The following GNG2 variants were observed in gnomAD, a reference collection of about 807,000 sequenced individuals.
The protein encoded by GNG2 is G protein subunit gamma 2, also known as guanine nucleotide-binding protein G(I)/G(S)/G(O) subunit gamma-2.
In GNG2, 5 loss-of-function variants were observed where a neutral mutation model predicts 5.5. The observed-to-expected ratio is 0.91, with a 90% CI of 0.48 to 1.92. The LOEUF (loss-of-function observed/expected upper bound fraction) is 1.92, where lower values mean the gene tolerates loss of function less well. Among genes scored for constraint, GNG2 ranks in the 30% most tolerant of loss-of-function variants. The pLI is 0.01. For missense variants in GNG2, 55 were observed against 88.4 expected, an observed-to-expected ratio of 0.62 and a Z score of 1.52; for synonymous variants, 28 against 32.0, an observed-to-expected ratio of 0.88 and a Z score of 0.42.
chr14:51,876,605 C>G (rs540799899), intron 1 of GNG2, among the ~76,000 whole-genome samples: 3 of 151,924 alleles, frequency 2.0e-5, no homozygotes, highest in East Asian at 3.9e-4. Context: ...GTTTTTAGCC[C>G]TTGGCTTTTT....
At chr14:51,843,151 T>A (rs1881528944) in intron 2 of GNG2, among the ~76,000 whole-genome samples, 1 of 152,162 alleles carries the variant, frequency 6.6e-6, no homozygotes, top group Non-Finnish European at 1.5e-5. Context: ...TTTCCGTAAA[T>A]CATAGGAAAG....
chr14:51,956,064 C>T (rs1439645347), intron 3 of GNG2, among the ~76,000 whole-genome samples: 5 of 152,134 alleles, frequency 3.3e-5, no homozygotes, highest in African/African-American at 1.2e-4. Context: ...GTATCCCTTC[C>T]CTAAAATGCT....
intron 3 of GNG2, among the ~76,000 whole-genome samples, chr14:51,962,096 C>G (rs1332400748): frequency 6.6e-6 from 1 of 152,150 alleles, no homozygotes; most frequent in Admixed American, 6.5e-5. Context: ...ATTTGTCTGT[C>G]TGCTCAAGCC....
intron 2 of GNG2, among the ~76,000 whole-genome samples, chr14:51,839,369 G>A (rs557435812): frequency 6.6e-5 from 10 of 152,306 alleles, no homozygotes; most frequent in African/African-American, 2.2e-4. Context: ...TCTGATTAGC[G>A]TTTACAAAAT....
chr14:51,883,856 A>G (rs1884263898), intron 2 of GNG2, among the ~76,000 whole-genome samples: 1 of 152,176 alleles, frequency 6.6e-6, no homozygotes, highest in South Asian at 2.1e-4. Context: ...ACTGTGTACT[A>G]TAACTGGTAT....
chr14:51,855,959 G>A (rs1594840668), upstream of GNG2, among the ~76,000 whole-genome samples: 1 of 152,246 alleles, frequency 6.6e-6, no homozygotes, highest in African/African-American at 2.4e-5. Flanking sequence ...GATCACCTGA[G>A]GTCAGAAGTT....
chr14:51,917,502 G>A (rs1886721789), intron 2 of GNG2: 1 of 437,512 alleles, frequency 2.3e-6, no homozygotes. Context: ...TTAAAACCAT[G>A]TCTTTTTTTA....
chr14:51,916,401 G>T (rs768362581), intron 2 of GNG2: 41 of 440,910 alleles, frequency 9.3e-5, no homozygotes, highest in Admixed American at 1.3e-4. Flanking sequence ...CGTGCACATT[G>T]GCTTCCCACG....
chr14:51,884,019 A>G (rs1471060696), intron 2 of GNG2, among the ~76,000 whole-genome samples: 2 of 152,056 alleles, frequency 1.3e-5, no homozygotes, highest in Non-Finnish European at 2.9e-5. Flanking sequence ...TTTCCCACCA[A>G]CTTGTAGCCT....
intron 1 of GNG2, among the ~76,000 whole-genome samples, chr14:51,876,755 A>G (rs1368639944): frequency 6.6e-6 from 1 of 152,148 alleles, no homozygotes; most frequent in African/African-American, 2.4e-5. Context: ...GTCTCAAGTA[A>G]TGTGAGGCCT....
chr14:51,914,347 G>C (rs1241103002), intron 2 of GNG2: 2 of 698,676 alleles, frequency 2.9e-6, no homozygotes, highest in Non-Finnish European at 2.6e-6. Flanking sequence ...AGAAACACAG[G>C]CCACAGTAAC....
At chr14:51,877,128 C>T (rs753013738) in intron 1 of GNG2, among the ~76,000 whole-genome samples, 37 of 152,308 alleles carry the variant, frequency 2.4e-4, no homozygotes, top group South Asian at 8.3e-4. Context: ...TAACCACCAA[C>T]GTGTCCTCCA....
Position 51,910,161 on chromosome 14 carries a change from A to G in GNG2, c.-30+32504A>G, listed in dbSNP as rs149134435. On this transcript the variant is annotated intron_variant, in intron 2 of 3. Coordinates refer to ENST00000556766, the MANE Select transcript of GNG2 (RefSeq NM_053064.5). The stretch of plus-strand genomic sequence containing the variant: ...TCACAAATATAGATTTGGAAACTGT[A>G]TTTATGTCTAGAAATTAGCAGTATT... 2.4e-4 allele frequency among the ~76,000 whole-genome samples: 37 copies of G among 152,326 alleles called. No homozygotes were observed. The East Asian group carries it at 6.2e-3, about 25-fold the overall frequency.
At chr14:51,837,470 C>T (rs2748135) in intron 2 of GNG2, among the ~76,000 whole-genome samples, 3 of 151,760 alleles carry the variant, frequency 2.0e-5, no homozygotes, top group Non-Finnish European at 4.4e-5. Flanking sequence ...CATGGTGAAA[C>T]ACTGTCTCTA....
intron 3 of GNG2, 129 bp downstream of exon 3, chr14:51,950,894 A>T (rs1888938104): frequency 1.1e-5 from 5 of 471,980 alleles, no homozygotes; most frequent in African/African-American, 2.0e-5. Flanking sequence ...GCAGAAGTTC[A>T]TTTCTAACGT....
At chr14:51,835,845 G>A (rs1458829058) in intron 2 of GNG2, among the ~76,000 whole-genome samples, 3 of 151,886 alleles carry the variant, frequency 2.0e-5, no homozygotes, top group Admixed American at 6.6e-5. Flanking sequence ...TAATTTTCAG[G>A]TCTTTTGCTG....
rs1885002639 is a variant in GNG2, at chr14:51,893,679, A to G, written c.-30+16022A>G. On this transcript the variant is annotated intron_variant, in intron 2 of 3. Coordinates refer to ENST00000556766, the MANE Select transcript of GNG2 (RefSeq NM_053064.5). The stretch of plus-strand genomic sequence containing the variant: ...TGCTTAGGCATATTTCCTCTATCCA[A>G]GGTAATATAAATATCCTCCTTATTC... 2.0e-5 allele frequency among the ~76,000 whole-genome samples: 3 copies of G among 152,008 alleles called. 1 individual carries two copies. The South Asian group carries it at 6.2e-4, about 32-fold the overall frequency.
intron 3 of GNG2, among the ~76,000 whole-genome samples, chr14:51,966,214 A>AT: frequency 7.1e-6 from 1 of 140,864 alleles, no homozygotes; most frequent in Non-Finnish European, 1.6e-5. Context: ...CATCTCAAAA[A>AT]AAAAAAAAAA....
intron 3 of GNG2, among the ~76,000 whole-genome samples, chr14:51,962,220 T>C (rs1889656850): frequency 6.6e-6 from 1 of 152,188 alleles, no homozygotes; most frequent in Non-Finnish European, 1.5e-5. Context: ...ATTTAAAATA[T>C]CAATTTTTAA....
Sources: allele counts gnomAD v4.1 joint callset (sites outside exome capture counted in the v4.1 genomes callset), GRCh38; gene constraint gnomAD v4.1.1; transcripts MANE v1.5; gene names NCBI Gene and HGNC (gene_info 2026-07-23, HGNC 2026-07-21).